VAV2: variants seen among roughly 807,000 people sequenced by gnomAD.
VAV2 encodes vav guanine nucleotide exchange factor 2, also known as guanine nucleotide exchange factor VAV2.
In VAV2, 67 loss-of-function variants were observed where a neutral mutation model predicts 132.5. That is an observed-to-expected ratio of 0.51 (90% CI 0.42 to 0.62). VAV2 has a LOEUF of 0.62. VAV2 is among the 20% of genes least tolerant of loss of function. The probability of loss-of-function intolerance (pLI) is 0.00; values close to 1 mark genes in which losing one functional copy is unlikely to be tolerated. For missense variants in VAV2, 938 were observed against 1,153.6 expected (o/e 0.81, Z 2.71); for synonymous variants, 492 against 443.5 (o/e 1.11, Z -1.37).
At chr9:133,990,754 C>T (rs1231877877) in intron 1 of VAV2, among the ~76,000 whole-genome samples, 4 of 152,234 alleles carry the variant, frequency 2.6e-5, no homozygotes, top group African/African-American at 9.6e-5. Flanking sequence ...TCCGGGGAAG[C>T]CCTCTGCAGC....
Position 133,768,375 on chromosome 9 carries a change from G to C in VAV2, c.2589+67C>G. Reference sequence around the variant, plus strand: ...GTGGACATAGGTGTGGTGCTAGTCTGCCTGAGCCCGACCAGGTAGGGGCTG... The same window carrying C: ...GTGGACATAGGTGTGGTGCTAGTCTCCCTGAGCCCGACCAGGTAGGGGCTG... On this transcript the variant is annotated intron_variant, in intron 29 of 29. Transcript: ENST00000371850. This position sits in a 1 kb window ranked among gnomAD's most constrained non-coding sequence, Gnocchi z 5.3. 1 of 1,573,136 alleles carries C rather than the reference G, an allele frequency of 6.4e-7. No individual in the cohort carries two copies. Among genetic ancestry groups the C allele is most frequent in the East Asian group, 2.2e-5 (1 of 44,628 alleles).
intron 2 of VAV2, among the ~76,000 whole-genome samples, chr9:133,874,454 C>T (rs940428782): frequency 2.6e-5 from 4 of 152,198 alleles, no homozygotes; most frequent in South Asian, 2.1e-4. Context: ...AGGCTGCAGA[C>T]GAGCCGCATC....
At chr9:133,939,845 A>G (rs1588145540) in intron 1 of VAV2, among the ~76,000 whole-genome samples, 1 of 152,290 alleles carries the variant, frequency 6.6e-6, no homozygotes, top group Middle Eastern at 3.4e-3. Flanking sequence ...GGCAGGTGCC[A>G]ACTACAGTGG....
intron 1 of VAV2, among the ~76,000 whole-genome samples, chr9:133,967,017 T>C (rs1842162362): frequency 7.7e-6 from 1 of 129,054 alleles, no homozygotes; most frequent in African/African-American, 2.9e-5. Flanking sequence ...CCTAGGTGAC[T>C]GAGCAAGACT....
At position 133,961,174 on chromosome 9, in the gene VAV2, G is replaced by A. The variant is rs144453589; in HGVS notation, c.205-21955C>T. Among the ~76,000 whole-genome samples the A allele has an allele frequency of 2.6e-5, 4 of 152,302 alleles. No homozygotes were observed. The highest frequency in any genetic ancestry group is 4.8e-5 in the African/African-American group (2 of 41,574). ...GCCACCTCGGCTTCATTCACCAAGC[G>A]GTCCCCAAGAAACAATCACTGCAGT... is the stretch of plus-strand genomic sequence containing the variant. On this transcript the variant is annotated intron_variant, in intron 1 of 29. Coordinates refer to ENST00000371850, the MANE Select transcript of VAV2 (RefSeq NM_001134398.2). The surrounding 1 kb of genome is among the most constrained non-coding windows in gnomAD (Gnocchi z 4.1).
intron 4 of VAV2, among the ~76,000 whole-genome samples, chr9:133,822,630 T>A (rs1450063403): frequency 6.6e-6 from 1 of 151,660 alleles, no homozygotes; most frequent in Non-Finnish European, 1.5e-5. Flanking sequence ...GGCATGAGAG[T>A]CACCCAGCTC....
intron 2 of VAV2, among the ~76,000 whole-genome samples, chr9:133,881,504 C>T (rs937244725): frequency 6.6e-6 from 1 of 152,176 alleles, no homozygotes; most frequent in African/African-American, 2.4e-5. Flanking sequence ...CTCGAGCCTC[C>T]AGCAGAGGCA....
chr9:133,844,834 T>C (rs1336319660), intron 3 of VAV2, among the ~76,000 whole-genome samples: 4 of 152,262 alleles, frequency 2.6e-5, no homozygotes, highest in Non-Finnish European at 5.9e-5. Context: ...GGCTTGGGTC[T>C]GCCCAAGCTT....
chr9:133,884,671 A>G lies in VAV2; in HGVS notation c.322-23239T>C, dbSNP rs112445385. 0.021 allele frequency among the ~76,000 whole-genome samples: 3,139 copies of G among 152,278 alleles called. 59 individuals carry two copies. The highest frequency in any genetic ancestry group is 0.053 in the African/African-American group (2,213 of 41,514). On this transcript the variant is annotated intron_variant, in intron 2 of 29. Transcript: ENST00000371850. This position sits in a 1 kb window ranked among gnomAD's most constrained non-coding sequence, Gnocchi z 5.3. The stretch of plus-strand genomic sequence containing the variant: ...CTTCAATAAGAAGCTTGCTAAAAAG[A>G]AAAACAAAAAAAAACACCTCTGGCT...
chr9:133,960,549 C>T (rs761566397), intron 1 of VAV2, among the ~76,000 whole-genome samples: 1 of 152,206 alleles, frequency 6.6e-6, no homozygotes, highest in East Asian at 1.9e-4. Context: ...TAATAGCGGC[C>T]GCCAATTATT....
chr9:133,897,581 A>G (rs1839262780), intron 2 of VAV2, among the ~76,000 whole-genome samples: 1 of 152,150 alleles, frequency 6.6e-6, no homozygotes, highest in Non-Finnish European at 1.5e-5. Context: ...TGGTCAAGCC[A>G]GAGAGCTCTG....
rs987075658 is a variant in VAV2, at chr9:133,985,198, T to C, written c.204+6877A>G. Among the ~76,000 whole-genome samples, 6 of 151,246 alleles carry C rather than the reference T, an allele frequency of 4.0e-5. No homozygotes were observed. In the South Asian group the frequency reaches 1.2e-3, roughly 31 times the overall value. The stretch of plus-strand genomic sequence containing the variant: ...GGAAGCAGGAACACCCCAGCAGCAC[T>C]GAGCACACCTCATCCTATCTTGCCT... On this transcript the variant is annotated intron_variant, in intron 1 of 29. Transcript: ENST00000371850.
intron 2 of VAV2, among the ~76,000 whole-genome samples, chr9:133,893,441 G>A (rs1278630245): frequency 3.3e-5 from 5 of 152,218 alleles, no homozygotes; most frequent in Non-Finnish European, 5.9e-5. Flanking sequence ...GGAGGCCCTA[G>A]CGACAACTCT....
In VAV2 at chr9:133,924,021, T is replaced by G. The variant is rs761651163; in HGVS notation, c.321+15082A>C. Among the ~76,000 whole-genome samples the G allele has an allele frequency of 6.0e-4, 92 of 152,088 alleles. No individual in the cohort carries two copies. The Middle Eastern group carries it at 0.01, about 17-fold the overall frequency. ...TGGGGGACTAGGGGAGGGAGAGCATTAGGAGAAATATCTCATGTAAATGAT... is the reference window on the plus strand; with the variant it reads ...TGGGGGACTAGGGGAGGGAGAGCATGAGGAGAAATATCTCATGTAAATGAT... On this transcript the variant is annotated intron_variant, in intron 2 of 29. Coordinates refer to ENST00000371850, the MANE Select transcript of VAV2 (RefSeq NM_001134398.2).
chr9:133,873,537 G>A (rs1300180081), intron 2 of VAV2, among the ~76,000 whole-genome samples: 1 of 152,222 alleles, frequency 6.6e-6, no homozygotes, highest in Non-Finnish European at 1.5e-5. Context: ...CAAGACAGGA[G>A]CGGCACTGCC....
chr9:133,981,782 G>T lies in VAV2; in HGVS notation c.204+10293C>A, dbSNP rs570147956. 4.6e-5 allele frequency among the ~76,000 whole-genome samples: 7 copies of T among 152,316 alleles called. No individual in the cohort carries two copies. In the East Asian group the frequency reaches 1.4e-3, roughly 30 times the overall value. On this transcript the variant is annotated intron_variant, in intron 1 of 29. Coordinates refer to ENST00000371850, the MANE Select transcript of VAV2 (RefSeq NM_001134398.2). ...TCATCGTGTTTCCAAGCATTTCCAA[G>T]GATCTCTTTCTGGCAGTGTCATTCC...
intron 29 of VAV2, 30 bp from the exon 30 acceptor site, chr9:133,764,139 TG>T (rs763313987): frequency 2.2e-5 from 34 of 1,567,002 alleles, no homozygotes; most frequent in Non-Finnish European, 2.9e-5. Context: ...CGTGTCTGTG[TG>T]TGTGTGTGTG....
intron 9 of VAV2, among the ~76,000 whole-genome samples, chr9:133,798,377 CCGGACCT>C (rs1263204538): frequency 6.6e-6 from 1 of 152,196 alleles, no homozygotes; most frequent in Non-Finnish European, 1.5e-5. Context: ...CAGGTGGCCC[CCGGACCT>C]GGGAGGACGC....
At chr9:133,978,508 C>T (rs1346835296) in intron 1 of VAV2, among the ~76,000 whole-genome samples, 2 of 152,278 alleles carry the variant, frequency 1.3e-5, no homozygotes, top group African/African-American at 4.8e-5. Flanking sequence ...CGTGTTCGCG[C>T]TGCCTTTGAA....
Sources: allele counts gnomAD v4.1 joint callset (sites outside exome capture counted in the v4.1 genomes callset), GRCh38; gene constraint gnomAD v4.1.1; non-coding constraint Gnocchi (gnomAD v3.1); transcripts MANE v1.5; gene names NCBI Gene and HGNC (gene_info 2026-07-23, HGNC 2026-07-21).